Variants in SLC9A9 observed in about 807,000 individuals in gnomAD.
SLC9A9 encodes the protein sodium/hydrogen exchanger 9.
A neutral mutation model predicts 77.8 loss-of-function variants in SLC9A9; 62 were observed. The observed-to-expected ratio is 0.80, with a 90% CI of 0.65 to 0.98. The LOEUF (loss-of-function observed/expected upper bound fraction) is 0.98. Ranked by LOEUF, SLC9A9 falls within the 50% of genes least tolerant of loss-of-function variation. SLC9A9 has a pLI of 0.00. For synonymous variants in SLC9A9, 320 were observed against 283.5 expected (o/e 1.13, Z -1.29); for missense variants, 775 against 774.9 (o/e 1.00, Z 0.00).
At chr3:143,796,097 C>T (rs78198381) in intron 3 of SLC9A9, among the ~76,000 whole-genome samples, 5,230 of 152,274 alleles carry the variant, frequency 0.034, 255 homozygotes, top group African/African-American at 0.11. Context: ...TCAAAAACCA[C>T]GTGGGCTGGA....
At position 143,430,166 on chromosome 3, in the gene SLC9A9, T is replaced by C. The variant is rs541535030; in HGVS notation, c.1469+36871A>G. ...ATCAGAACCTTTTGGAGAACAGATT[T>C]GGAAAGAGGGTGAAGAGAGATAGGC... On this transcript the variant is annotated intron_variant, in intron 12 of 15. Transcript: ENST00000316549. Among the ~76,000 whole-genome samples the C allele has an allele frequency of 3.2e-3, 493 of 152,242 alleles. 3 individuals are homozygous for C. The highest frequency in any genetic ancestry group is 0.012 in the African/African-American group (479 of 41,552).
intron 6 of SLC9A9, among the ~76,000 whole-genome samples, chr3:143,586,436 A>G (rs2037542785): frequency 6.6e-6 from 1 of 152,096 alleles, no homozygotes; most frequent in African/African-American, 2.4e-5. Context: ...AACACAACAT[A>G]AAGGGGCAAC....
intron 14 of SLC9A9, among the ~76,000 whole-genome samples, chr3:143,277,420 C>T (rs1938082824): frequency 6.6e-6 from 1 of 152,158 alleles, no homozygotes; most frequent in Admixed American, 6.5e-5. Context: ...CTCTGAAAAC[C>T]ACTGGAGCAG....
intron 6 of SLC9A9, among the ~76,000 whole-genome samples, chr3:143,614,219 C>T (rs1037319483): frequency 1.3e-5 from 2 of 152,180 alleles, no homozygotes; most frequent in African/African-American, 4.8e-5. Flanking sequence ...ATTTCCTAGG[C>T]TCAATTTCAT....
At chr3:143,299,042 C>T (rs73868715) in intron 14 of SLC9A9, among the ~76,000 whole-genome samples, 1,578 of 152,236 alleles carry the variant, frequency 0.01, 43 homozygotes, top group African/African-American at 0.036. Context: ...ATTGTATGCT[C>T]GGTTCCTGGC....
chr3:143,516,830 C>T (rs1444384512), intron 9 of SLC9A9, among the ~76,000 whole-genome samples: 2 of 152,112 alleles, frequency 1.3e-5, no homozygotes. Flanking sequence ...TTAATAGATA[C>T]TACAAAATTG....
At chr3:143,728,148 G>A (rs988883895) in intron 4 of SLC9A9, among the ~76,000 whole-genome samples, 1 of 152,158 alleles carries the variant, frequency 6.6e-6, no homozygotes, top group Non-Finnish European at 1.5e-5. Context: ...TGAGGCACTC[G>A]AGGCTGAGTG....
At chr3:143,359,402 C>G (rs1215487449) in intron 14 of SLC9A9, among the ~76,000 whole-genome samples, 1 of 152,038 alleles carries the variant, frequency 6.6e-6, no homozygotes, top group Non-Finnish European at 1.5e-5. Flanking sequence ...AAAAATAAAG[C>G]AGGAAGGAGT....
intron 12 of SLC9A9, among the ~76,000 whole-genome samples, chr3:143,441,956 C>T (rs1344773696): frequency 6.6e-6 from 1 of 151,978 alleles, no homozygotes; most frequent in Non-Finnish European, 1.5e-5. Context: ...ATTACCCATC[C>T]ATCCTTCTAC....
chr3:143,448,972 A>G (rs1168498529), intron 12 of SLC9A9, among the ~76,000 whole-genome samples: 1,095 of 32,986 alleles, frequency 0.033, 404 homozygotes, highest in Non-Finnish European at 0.036. Flanking sequence ...ATATAAATAT[A>G]ATTATATAAA....
chr3:143,439,194 C>CTGTGTTAA (rs1451302596), intron 12 of SLC9A9, among the ~76,000 whole-genome samples: 2 of 152,182 alleles, frequency 1.3e-5, no homozygotes, highest in African/African-American at 4.8e-5. Context: ...CTCTGTTAAT[C>CTGTGTTAA]CTCCTCAGTG....
intron 13 of SLC9A9, among the ~76,000 whole-genome samples, chr3:143,378,229 C>T (rs939514658): frequency 2.0e-5 from 3 of 152,148 alleles, no homozygotes; most frequent in Admixed American, 6.5e-5. Flanking sequence ...CTCACATCTA[C>T]GTTAGTGCCG....
At chr3:143,772,251 C>A (rs2007549476) in intron 4 of SLC9A9, among the ~76,000 whole-genome samples, 1 of 152,130 alleles carries the variant, frequency 6.6e-6, no homozygotes, top group Admixed American at 6.5e-5. Flanking sequence ...AACTAACAAC[C>A]AAGAGCAGAG....
chr3:143,752,518 C>T (rs2006766334), intron 4 of SLC9A9, among the ~76,000 whole-genome samples: 1 of 152,000 alleles, frequency 6.6e-6, no homozygotes, highest in Non-Finnish European at 1.5e-5. Context: ...GTGAACATTG[C>T]AAGAAAGAAA....
chr3:143,775,898 C>G (rs1390154220), intron 4 of SLC9A9, among the ~76,000 whole-genome samples: 1 of 152,160 alleles, frequency 6.6e-6, no homozygotes, highest in Non-Finnish European at 1.5e-5. Context: ...TTTAAACTTA[C>G]AATAACACAC....
chr3:143,517,282 A>G lies in SLC9A9; in HGVS notation c.1090-21834T>C. 3.2e-6 allele frequency: 4 copies of G among 1,264,478 alleles called. No homozygotes were observed. In the Admixed American group the frequency reaches 6.7e-5, roughly 21 times the overall value. The allele number at this position is 1,264,478 out of a possible 1,614,324, so 78.3% of individuals were successfully genotyped here. On this transcript the variant is annotated intron_variant, in intron 9 of 15. Transcript: ENST00000316549. ...CGGCAAGAACCTCTGGATCACTAAG[A>G]ATTTCATTGAGTCCAGGCATTCCGG...
At chr3:143,311,202 C>T (rs1003741391) in intron 14 of SLC9A9, among the ~76,000 whole-genome samples, 6 of 152,226 alleles carry the variant, frequency 3.9e-5, no homozygotes, top group African/African-American at 1.4e-4. Context: ...ACCAGGACTC[C>T]TCTTAGCTGC....
intron 4 of SLC9A9, among the ~76,000 whole-genome samples, chr3:143,749,462 C>T (rs569373968): frequency 1.0e-3 from 159 of 152,206 alleles, no homozygotes; most frequent in Non-Finnish European, 1.9e-3. Flanking sequence ...GGTTGAAATT[C>T]CCTCGCTCCC....
intron 2 of SLC9A9, among the ~76,000 whole-genome samples, chr3:143,813,328 C>G (rs867354265): frequency 1.3e-5 from 2 of 152,110 alleles, no homozygotes; most frequent in Admixed American, 6.5e-5. Flanking sequence ...TCGTGACACA[C>G]CTGTGATCCA....
Sources: gnomAD v4.1 joint callset for allele counts (sites outside exome capture counted in the v4.1 genomes callset) on GRCh38, gnomAD v4.1.1 for gene constraint, MANE v1.5 for transcripts, NCBI Gene and HGNC (gene_info 2026-07-23, HGNC 2026-07-21) for gene names.